The following MSRB3 variants were observed in gnomAD, a reference collection of about 807,000 sequenced individuals.
MSRB3 encodes the protein methionine sulfoxide reductase B3.
MSRB3 carries 13 observed loss-of-function variants against 21.0 expected under a neutral mutation model. The observed-to-expected ratio is 0.62, with a 90% CI of 0.40 to 0.98. The LOEUF (loss-of-function observed/expected upper bound fraction) is 0.98, where lower values mean the gene tolerates loss of function less well. MSRB3 is among the 50% of genes least tolerant of loss of function. The probability of loss-of-function intolerance (pLI) is 0.00; values close to 1 mark genes in which losing one functional copy is unlikely to be tolerated. For missense variants in MSRB3, 199 were observed against 230.3 expected, an observed-to-expected ratio of 0.86 and a Z score of 0.88; for synonymous variants, 87 against 88.6, an observed-to-expected ratio of 0.98 and a Z score of 0.10.
intron 5 of MSRB3, among the ~76,000 whole-genome samples, chr12:65,369,664 C>A (rs1489797121): frequency 6.6e-6 from 1 of 152,128 alleles, no homozygotes. Flanking sequence ...ATGTCACTTG[C>A]TGAGATTTAT....
intron 3 of MSRB3, 72 bp downstream of exon 3, chr12:65,327,006 C>A: frequency 1.8e-6 from 2 of 1,099,470 alleles, no homozygotes; most frequent in Non-Finnish European, 2.7e-6. Flanking sequence ...AGTGCTTTTC[C>A]TTGCCAATTA....
At chr12:65,419,240 G>A (rs574586408) in intron 5 of MSRB3, 16 of 723,414 alleles carry the variant, frequency 2.2e-5, no homozygotes, top group Admixed American at 1.3e-4. Flanking sequence ...CAGTTCTTCC[G>A]AGCCAGCTCG....
chr12:65,456,307 G>A (rs1883089491), intron 6 of MSRB3, among the ~76,000 whole-genome samples: 1 of 152,120 alleles, frequency 6.6e-6, no homozygotes, highest in East Asian at 1.9e-4. Context: ...GAAAAATGAA[G>A]CATAAGATAT....
At chr12:65,380,221 A>G (rs188675963) in intron 5 of MSRB3, among the ~76,000 whole-genome samples, 4 of 152,210 alleles carry the variant, frequency 2.6e-5, no homozygotes, top group Non-Finnish European at 4.4e-5. Flanking sequence ...GGTCAGGCAC[A>G]GAGACGTAAT....
At chr12:65,291,405 T>C (rs575954684) in intron 1 of MSRB3, among the ~76,000 whole-genome samples, 5 of 152,076 alleles carry the variant, frequency 3.3e-5, no homozygotes. Flanking sequence ...TGTGGCTTTT[T>C]TGATGTCTTA....
chr12:65,429,643 G>C (rs914988758), intron 5 of MSRB3, among the ~76,000 whole-genome samples: 3 of 152,184 alleles, frequency 2.0e-5, no homozygotes, highest in African/African-American at 4.8e-5. Flanking sequence ...ACTGCAATAA[G>C]AGTAAGAGTG....
At chr12:65,404,534 T>G (rs1057161090) in intron 5 of MSRB3, among the ~76,000 whole-genome samples, 2 of 152,230 alleles carry the variant, frequency 1.3e-5, no homozygotes, top group Non-Finnish European at 2.9e-5. Context: ...TTATTCCTCC[T>G]AATGCTCTTT....
At chr12:65,287,313 A>C (rs373212632) in intron 1 of MSRB3, among the ~76,000 whole-genome samples, 24 of 151,902 alleles carry the variant, frequency 1.6e-4, no homozygotes, top group Non-Finnish European at 2.4e-4. Context: ...ATTTATGTAG[A>C]GATAGGGTCT....
chr12:65,363,296 CAATAA>C (rs1427992558), intron 4 of MSRB3, among the ~76,000 whole-genome samples: 1 of 152,118 alleles, frequency 6.6e-6, no homozygotes, highest in African/African-American at 2.4e-5. Context: ...CCCAGAGAGA[CAATAA>C]AATAAAATAT....
At chr12:65,351,816 A>C (rs1369319724) in intron 4 of MSRB3, among the ~76,000 whole-genome samples, 1 of 152,126 alleles carries the variant, frequency 6.6e-6, no homozygotes, top group Non-Finnish European at 1.5e-5. Flanking sequence ...TTGTGGCAAT[A>C]ATCGATAGTT....
chr12:65,423,890 A>T (rs1396270320), intron 5 of MSRB3, among the ~76,000 whole-genome samples: 1 of 152,088 alleles, frequency 6.6e-6, no homozygotes, highest in East Asian at 1.9e-4. Context: ...AATTCTTTGG[A>T]AGAGTTTGAG....
intron 6 of MSRB3, among the ~76,000 whole-genome samples, chr12:65,459,703 T>C (rs188249247): frequency 4.5e-4 from 69 of 152,264 alleles, no homozygotes; most frequent in Non-Finnish European, 4.3e-4. Flanking sequence ...ATGACAATAA[T>C]AAAGCCCAAA....
intron 5 of MSRB3, among the ~76,000 whole-genome samples, chr12:65,432,263 T>A (rs1357518328): frequency 6.6e-6 from 1 of 152,042 alleles, no homozygotes; most frequent in East Asian, 1.9e-4. Context: ...CCTTGGAATG[T>A]AGCACACATT....
chr12:65,448,422 A>G (rs1485131423), intron 5 of MSRB3, among the ~76,000 whole-genome samples: 1 of 152,242 alleles, frequency 6.6e-6, no homozygotes, highest in Admixed American at 6.5e-5. Context: ...GAAATTAAAA[A>G]TAACCTGAGT....
rs114864275 is a variant in MSRB3 at position 65,316,743 on chromosome 12, T to C, written c.76+8088T>C. Among the ~76,000 whole-genome samples the C allele has an allele frequency of 8.5e-3, 1,287 of 152,272 alleles. 21 individuals are homozygous for C. Among genetic ancestry groups the C allele is most frequent in the African/African-American group, 0.029 (1,196 of 41,534 alleles). On this transcript the variant is annotated intron_variant, in intron 2 of 6. Transcript: ENST00000308259. ...TGAAAGGAGTTATATACTTGAAGGT[T>C]TGACGATTCTATATGAACACTTTCT...
chr12:65,315,767 T>C (rs1190244778), intron 2 of MSRB3, among the ~76,000 whole-genome samples: 1 of 152,052 alleles, frequency 6.6e-6, no homozygotes, highest in Non-Finnish European at 1.5e-5. Context: ...TTTAAATTTA[T>C]GTATTAACTT....
At chr12:65,378,965 C>T (rs1199977983) in intron 5 of MSRB3, among the ~76,000 whole-genome samples, 1 of 152,172 alleles carries the variant, frequency 6.6e-6, no homozygotes, top group Non-Finnish European at 1.5e-5. Flanking sequence ...TAACATATAT[C>T]AGCCTAAAGC....
chr12:65,398,004 A>G (rs1465161277), intron 5 of MSRB3, among the ~76,000 whole-genome samples: 1 of 152,168 alleles, frequency 6.6e-6, no homozygotes, highest in Non-Finnish European at 1.5e-5. Context: ...CGTTCAGTCT[A>G]TCATTGATGG....
chr12:65,313,067 A>T (rs1011241954), intron 2 of MSRB3, among the ~76,000 whole-genome samples: 1 of 152,138 alleles, frequency 6.6e-6, no homozygotes, highest in African/African-American at 2.4e-5. Flanking sequence ...AATGCATGTT[A>T]TCCAGAATTG....
Sources: allele counts gnomAD v4.1 joint callset (sites outside exome capture counted in the v4.1 genomes callset), GRCh38; gene constraint gnomAD v4.1.1; transcripts MANE v1.5; gene names NCBI Gene and HGNC (gene_info 2026-07-23, HGNC 2026-07-21).